The following LRP3 variants were observed in gnomAD, a reference collection of about 807,000 sequenced individuals.
LRP3 encodes the protein low-density lipoprotein receptor-related protein 3.
In LRP3, 49 loss-of-function variants were observed where a neutral mutation model predicts 58.5. The observed-to-expected ratio is 0.84, with a 90% CI of 0.67 to 1.06. The LOEUF is 1.06. LRP3 is among the 50% of genes least tolerant of loss of function. The pLI, the probability that LRP3 is intolerant of heterozygous loss-of-function variation, is 0.00. For missense variants in LRP3, 1,019 were observed against 1,134.2 expected, an observed-to-expected ratio of 0.90 and a Z score of 1.46; for synonymous variants, 485 against 492.2, an observed-to-expected ratio of 0.99 and a Z score of 0.20.
Position 33,207,056 on chromosome 19 carries a change from G to T in LRP3, c.1794G>T (p.Gly598=), listed in dbSNP as rs1285085272. ...RQMRRHASRR[G]PSRRRLGRLW... Reference sequence around the variant, plus strand: ...TGCGTCGGCACGCCTCCCGCCGGGGGCCCTCCCGCCGCCGCCTCGGCCGCC... The same window carrying T: ...TGCGTCGGCACGCCTCCCGCCGGGGTCCCTCCCGCCGCCGCCTCGGCCGCC... Residue 598 remains glycine, a synonymous_variant, in exon 7 of 7, where the codon GGG becomes GGT. Transcript: ENST00000253193. 3 of 1,486,382 alleles carry T rather than the reference G, an allele frequency of 2.0e-6. No homozygotes were observed. Among genetic ancestry groups the T allele is most frequent in the Non-Finnish European group, 1.8e-6 (2 of 1,124,468 alleles). The allele number at this position is 1,486,382 out of a possible 1,614,324, so 92.1% of individuals were successfully genotyped here.
intron 2 of LRP3, among the ~76,000 whole-genome samples, chr19:33,197,152 G>A (rs983335998): frequency 6.6e-6 from 1 of 152,190 alleles, no homozygotes; most frequent in African/African-American, 2.4e-5. Context: ...TAATTTATAG[G>A]AGTATGACTG....
intron 3 of LRP3, chr19:33,204,403 G>A (rs925941125): frequency 8.8e-6 from 5 of 570,642 alleles, no homozygotes; most frequent in African/African-American, 5.6e-5. Context: ...TGACCTGCGT[G>A]GATGTCGCAA....
intron 2 of LRP3, 33 bp from the exon 3 acceptor site, chr19:33,202,815 G>A (rs1974354532): frequency 6.3e-7 from 1 of 1,577,668 alleles, no homozygotes; most frequent in Non-Finnish European, 8.6e-7. Context: ...AACCAAAGAT[G>A]GGCCGGCCTT....
chr19:33,202,631 G>T (rs1345930820), intron 2 of LRP3, among the ~76,000 whole-genome samples: 2 of 152,166 alleles, frequency 1.3e-5, no homozygotes, highest in Non-Finnish European at 1.5e-5. Flanking sequence ...TAGGGTTGGG[G>T]GCTACAGCTG....
chr19:33,203,583 C>T (rs1383410271), intron 3 of LRP3, among the ~76,000 whole-genome samples: 3 of 152,224 alleles, frequency 2.0e-5, no homozygotes, highest in Admixed American at 6.5e-5. Flanking sequence ...TGGGTCTCCA[C>T]GGGCCTCTGT....
Position 33,207,748 on chromosome 19 carries a change from A to AC in LRP3, c.*174dup, listed in dbSNP as rs1974442756. On this transcript the variant is annotated 3_prime_UTR_variant, in exon 7 of 7. Transcript: ENST00000253193. ...TGGTGGGCGGGAGCTGTGGGACTGA[A>AC]CGGCGGGGGGGAGAAGAGTGGAGTG... 2.1e-6 allele frequency: 1 copy of AC among 475,054 alleles called. No individual in the cohort carries two copies. The highest frequency in any genetic ancestry group is 2.9e-5 in the African/African-American group (1 of 34,450). The allele number at this position is 475,054 out of a possible 1,614,324, so 29.4% of individuals were successfully genotyped here. A position where few individuals can be genotyped will look rare whatever the true frequency, so the allele number is the denominator to read the frequency against.
At chr19:33,196,585 C>A in intron 1 of LRP3, 145 bp from the exon 2 acceptor site, 1 of 702,880 alleles carries the variant, frequency 1.4e-6, no homozygotes, top group Non-Finnish European at 2.5e-6. Flanking sequence ...GATGGGCAGT[C>A]TTGGGCTGCG....
In LRP3 at chr19:33,206,287, T is replaced by C; in HGVS notation, c.1517T>C (p.Leu506Pro). Reference sequence around the variant, plus strand: ...ATCACGGCGGCGCTCATTGGCAGCCTGGTGTGTGGCCTGCTGCTGGTCATC... The same window carrying C: ...ATCACGGCGGCGCTCATTGGCAGCCCGGTGTGTGGCCTGCTGCTGGTCATC... ...KVITAALIGS[L>P]VCGLLLVIAL... Residue 506 changes from leucine (L) to proline (P), a missense_variant, in exon 5 of 7, where the codon CTG (leucine) becomes CCG (proline). Transcript: ENST00000253193. 6.3e-7 allele frequency: 1 copy of C among 1,598,400 alleles called. No homozygotes were observed. The highest frequency in any genetic ancestry group is 8.5e-7 in the Non-Finnish European group (1 of 1,171,740).
At chr19:33,197,377 A>G (rs1974296640) in intron 2 of LRP3, among the ~76,000 whole-genome samples, 1 of 152,188 alleles carries the variant, frequency 6.6e-6, no homozygotes, top group African/African-American at 2.4e-5. Flanking sequence ...CTGTGATCCC[A>G]GCATTTGGGA....
intron 3 of LRP3, chr19:33,204,290 G>C (rs1051275324): frequency 1.4e-5 from 4 of 296,210 alleles, no homozygotes; most frequent in African/African-American, 2.1e-5. Flanking sequence ...TTTGGGGAGG[G>C]TGTCGGGGCA....
intron 1 of LRP3, among the ~76,000 whole-genome samples, chr19:33,195,728 C>T (rs1974278575): frequency 6.6e-6 from 1 of 152,202 alleles, no homozygotes; most frequent in Admixed American, 6.5e-5. Flanking sequence ...GTGAGCCTGG[C>T]TCAGTGGGAA....
chr19:33,196,764 G>T lies in LRP3; in HGVS notation c.108G>T (p.Ala36=), dbSNP rs749288796. 6.2e-7 allele frequency: 1 copy of T among 1,614,134 alleles called. No individual in the cohort carries two copies. The highest frequency in any genetic ancestry group is 8.5e-7 in the Non-Finnish European group (1 of 1,179,976). Residue 36 remains alanine, a synonymous_variant, in exon 2 of 7, where the codon GCG becomes GCT. Transcript: ENST00000253193. ...NIFLTGRLSS[A]VPALAACSGK... is the part of the protein sequence containing the mutation. ...TTCTCACCGGGAGACTCAGCAGTGC[G>T]GTTCCTGCCTTAGGTAAGTAAGCAC...
chr19:33,204,520 G>C (rs556949397), intron 3 of LRP3, 118 bp from the exon 4 acceptor site: 2 of 725,860 alleles, frequency 2.8e-6, no homozygotes, highest in Non-Finnish European at 4.8e-6. Flanking sequence ...GGGGGCAGCC[G>C]GCCGGGACAG....
At position 33,204,885 on chromosome 19, in the gene LRP3, C is replaced by T. The variant is rs756667396; in HGVS notation, c.475+33C>T. On this transcript the variant is annotated intron_variant, in intron 4 of 6. Transcript: ENST00000253193. Reference sequence around the variant, plus strand: ...AGGCTGCAGGGCAGGCAGGACACCACGGAGCACACCGTGCATGCCCACAGG... The same window carrying T: ...AGGCTGCAGGGCAGGCAGGACACCATGGAGCACACCGTGCATGCCCACAGG... The T allele has an allele frequency of 5.0e-6, 8 of 1,592,608 alleles. No individual in the cohort carries two copies. The Admixed American group carries it at 6.7e-5, about 13-fold the overall frequency.
In LRP3 at chr19:33,205,477, G is replaced by A. The variant is rs376867167; in HGVS notation, c.707G>A (p.Gly236Asp). Residue 236 changes from glycine (G) to aspartate (D), a missense_variant, in exon 5 of 7, where the codon GGC (glycine) becomes GAC (aspartate). This residue lies in a region of LRP3 where 592 missense variants were observed against 725.5 expected (regional missense o/e 0.82). Coordinates refer to ENST00000253193, the MANE Select transcript of LRP3 (RefSeq NM_002333.4). ...CTGCCTGTGGAGCGGCGCTGTGACG[G>A]CTTGCAGGACTGCGGCGACGGCTCG... ...RCLPVERRCD[G>D]LQDCGDGSDE... The A allele has an allele frequency of 6.3e-7, 1 of 1,584,684 alleles. No homozygotes were observed. The highest frequency in any genetic ancestry group is 8.6e-7 in the Non-Finnish European group (1 of 1,167,654).
In LRP3 at chr19:33,207,075, G is replaced by C; in HGVS notation, c.1813G>C (p.Gly605Arg). ...SRRGPSRRRL[G>R]RLWNRLFHRP... ...CCGGGGGCCCTCCCGCCGCCGCCTC[G>C]GCCGCCTCTGGAACCGGCTCTTTCA... The change falls in exon 7 of 7, where the codon GGC becomes CGC. Residue 605 changes from glycine to arginine, a missense_variant. Transcript: ENST00000253193. 1.3e-6 allele frequency: 2 copies of C among 1,503,624 alleles called. No homozygotes were observed. Among genetic ancestry groups the C allele is most frequent in the Non-Finnish European group, 1.8e-6 (2 of 1,131,620 alleles). 93.1% of individuals were successfully genotyped at this position (1,503,624 alleles called of 1,614,324 possible).
At chr19:33,206,892 C>G in intron 6 of LRP3, 96 bp from the exon 7 acceptor site, 1 of 1,211,442 alleles carries the variant, frequency 8.3e-7, no homozygotes, top group South Asian at 1.6e-5. Flanking sequence ...TCTCTCGGGT[C>G]TCAGGTCCCT....
In LRP3 at chr19:33,207,170, C is replaced by T. The variant is rs757714868; in HGVS notation, c.1908C>T (p.Gly636=). ...CACGCCCCTCACAGACCGTGCTGGG[C>T]GATGGCTTCCTCCAGCCTGCTCCAG... ...TAARPSQTVL[G]DGFLQPAPGA... The change falls in exon 7 of 7, where the codon GGC becomes GGT. Residue 636 remains glycine, a synonymous_variant. Coordinates refer to ENST00000253193, the MANE Select transcript of LRP3 (RefSeq NM_002333.4). The T allele has an allele frequency of 1.5e-5, 23 of 1,543,840 alleles. No homozygotes were observed. The highest frequency in any genetic ancestry group is 2.0e-5 in the Admixed American group (1 of 50,424).
In LRP3 at chr19:33,207,862, A is replaced by G. The variant is rs928389893; in HGVS notation, c.*287A>G. On this transcript the variant is annotated 3_prime_UTR_variant, in exon 7 of 7. Coordinates refer to ENST00000253193, the MANE Select transcript of LRP3 (RefSeq NM_002333.4). The stretch of plus-strand genomic sequence containing the variant: ...CTCCATTCTGGGAACCCATTTCCAG[A>G]GAAGCAGGGGACCAGAGCCTTTTTG... The G allele has an allele frequency of 1.2e-5, 6 of 500,786 alleles. No homozygotes were observed. Among genetic ancestry groups the G allele is most frequent in the Non-Finnish European group, 2.1e-5 (6 of 283,132 alleles). The allele number at this position is 500,786 out of a possible 1,614,324, so 31.0% of individuals were successfully genotyped here.
Sources: allele counts gnomAD v4.1 joint callset (sites outside exome capture counted in the v4.1 genomes callset), GRCh38; gene constraint gnomAD v4.1.1; regional missense constraint gnomAD v4.1.1; transcripts MANE v1.5; gene names NCBI Gene and HGNC (gene_info 2026-07-23, HGNC 2026-07-21).